Variants in ATF3 observed in about 807,000 individuals in gnomAD.
The protein encoded by ATF3 is cyclic AMP-dependent transcription factor ATF-3.
A neutral mutation model predicts 18.4 loss-of-function variants in ATF3; 10 were observed. That is an observed-to-expected ratio of 0.54 (90% CI 0.34 to 0.92). ATF3 has a LOEUF of 0.92. ATF3 is among the 40% of genes least tolerant of loss of function. The pLI is 0.02. For missense variants in ATF3, 183 were observed against 222.3 expected (o/e 0.82, Z 1.12); for synonymous variants, 78 against 87.9 (o/e 0.89, Z 0.63).
chr1:212,607,551 T>C (rs1456925565), upstream of ATF3, among the ~76,000 whole-genome samples: 1 of 152,162 alleles, frequency 6.6e-6, no homozygotes, highest in African/African-American at 2.4e-5. Context: ...GGCCCCGCCT[T>C]TCCCGCCACC....
chr1:212,597,506 T>C (rs1654331634), intron 1 of ATF3, among the ~76,000 whole-genome samples: 1 of 152,144 alleles, frequency 6.6e-6, no homozygotes, highest in Admixed American at 6.5e-5. Flanking sequence ...AGCAATCATC[T>C]ATCTTTTCAC....
At chr1:212,575,302 TG>T (rs1477867106) in intron 1 of ATF3, among the ~76,000 whole-genome samples, 6 of 152,140 alleles carry the variant, frequency 3.9e-5, no homozygotes, top group African/African-American at 1.4e-4. Context: ...ATGTAATTTC[TG>T]TTACTATTAT....
intron 1 of ATF3, among the ~76,000 whole-genome samples, chr1:212,592,418 A>G (rs543137264): frequency 2.3e-4 from 34 of 150,052 alleles, no homozygotes; most frequent in African/African-American, 7.7e-4. Flanking sequence ...TCACGTTTCC[A>G]AAAGTATGTC....
intron 1 of ATF3, among the ~76,000 whole-genome samples, chr1:212,593,793 T>C (rs910182424): frequency 1.1e-4 from 17 of 151,452 alleles, no homozygotes; most frequent in Admixed American, 1.1e-3. Flanking sequence ...TTGTAAATGA[T>C]TGTAAGCATA....
chr1:212,609,721 G>A (rs1028813032), intron 1 of ATF3, among the ~76,000 whole-genome samples: 1 of 152,260 alleles, frequency 6.6e-6, no homozygotes, highest in African/African-American at 2.4e-5. Context: ...GGGTCCGCGG[G>A]AGACCCACCG....
chr1:212,599,318 A>G (rs1213754194), intron 1 of ATF3, among the ~76,000 whole-genome samples: 2 of 152,240 alleles, frequency 1.3e-5, no homozygotes, highest in African/African-American at 4.8e-5. Context: ...CAACTATGTC[A>G]GGCTGAGGAT....
intron 1 of ATF3, among the ~76,000 whole-genome samples, chr1:212,601,802 G>A (rs1654491553): frequency 1.3e-5 from 2 of 152,148 alleles, no homozygotes; most frequent in East Asian, 1.9e-4. Flanking sequence ...CTTTCCATGA[G>A]GGTCTAGACA....
chr1:212,590,318 T>C (rs1664858541), intron 1 of ATF3, among the ~76,000 whole-genome samples: 1 of 152,126 alleles, frequency 6.6e-6, no homozygotes, highest in Non-Finnish European at 1.5e-5. Flanking sequence ...GTCTTGGTGT[T>C]TGTATGAAAT....
upstream of ATF3, among the ~76,000 whole-genome samples, chr1:212,603,776 A>ATGTGTGTG (rs145857442): frequency 0.014 from 2,157 of 149,576 alleles, 31 homozygotes; most frequent in South Asian, 0.046. Context: ...GTGTATATAT[A>ATGTGTGTG]TGTGTGTGTG....
chr1:212,570,469 G>T (rs1664461035), intron 1 of ATF3, among the ~76,000 whole-genome samples: 1 of 152,142 alleles, frequency 6.6e-6, no homozygotes, highest in South Asian at 2.1e-4. Flanking sequence ...GACTTTTTCA[G>T]GTGATGGTTG....
intron 1 of ATF3, among the ~76,000 whole-genome samples, chr1:212,594,749 G>T (rs1249126484): frequency 6.6e-6 from 1 of 152,208 alleles, no homozygotes; most frequent in African/African-American, 2.4e-5. Flanking sequence ...CCTTTTTAGG[G>T]TTGTGGGAGA....
intron 1 of ATF3, among the ~76,000 whole-genome samples, chr1:212,583,044 G>C (rs1285059711): frequency 6.6e-6 from 1 of 152,110 alleles, no homozygotes; most frequent in Admixed American, 6.5e-5. Context: ...AGAATGCCAG[G>C]GTTATGGAAT....
At chr1:212,609,113 GAA>G (rs1004827194) in intron 1 of ATF3, among the ~76,000 whole-genome samples, 183 bp downstream of exon 1, 2 of 152,228 alleles carry the variant, frequency 1.3e-5, no homozygotes, top group African/African-American at 4.8e-5. Context: ...TCGGCGCTTC[GAA>G]AAGTTTCCCG....
intron 2 of ATF3, among the ~76,000 whole-genome samples, chr1:212,616,280 C>G (rs905636612): frequency 2.0e-5 from 3 of 151,338 alleles, no homozygotes; most frequent in Non-Finnish European, 4.4e-5. Context: ...AACACACACA[C>G]ACACACACAG....
chr1:212,583,774 G>A (rs555544112), intron 1 of ATF3, among the ~76,000 whole-genome samples: 1 of 152,328 alleles, frequency 6.6e-6, no homozygotes, highest in East Asian at 1.9e-4. Flanking sequence ...GTGGATGGAA[G>A]GGGTGGGGCA....
intron 1 of ATF3, among the ~76,000 whole-genome samples, chr1:212,569,337 C>A (rs1450580467): frequency 6.6e-6 from 1 of 152,200 alleles, no homozygotes; most frequent in Non-Finnish European, 1.5e-5. Context: ...TATACACTTT[C>A]TGACTTCGAA....
At chr1:212,612,036 T>A (rs1411424929) in intron 1 of ATF3, among the ~76,000 whole-genome samples, 1 of 152,236 alleles carries the variant, frequency 6.6e-6, no homozygotes. Context: ...ACAGCCGTAG[T>A]CTAGGCTGAA....
chr1:212,615,863 C>T (rs375244437), intron 2 of ATF3, among the ~76,000 whole-genome samples: 77 of 148,934 alleles, frequency 5.2e-4, no homozygotes, highest in African/African-American at 1.7e-3. Context: ...GATCACGGCT[C>T]ATTGTAGCCT....
chr1:212,592,478 A>G (rs1481015545), intron 1 of ATF3, among the ~76,000 whole-genome samples: 3 of 116,326 alleles, frequency 2.6e-5, no homozygotes, highest in South Asian at 2.5e-4. Context: ...AACAAGGTCC[A>G]CACATTATAT....
Sources: gnomAD v4.1 joint callset for allele counts (sites outside exome capture counted in the v4.1 genomes callset) on GRCh38, gnomAD v4.1.1 for gene constraint, MANE v1.5 for transcripts, NCBI Gene and HGNC (gene_info 2026-07-23, HGNC 2026-07-21) for gene names.